PTPRQ: variants seen among roughly 807,000 people sequenced by gnomAD.
PTPRQ encodes the protein protein tyrosine phosphatase receptor type Q.
In PTPRQ, 199 loss-of-function variants were observed where a neutral mutation model predicts 246.0. The observed-to-expected ratio is 0.81, with a 90% CI of 0.72 to 0.91. PTPRQ has a LOEUF of 0.91. Ranked by LOEUF, PTPRQ falls within the 40% of genes least tolerant of loss-of-function variation. The pLI, the probability that PTPRQ is intolerant of heterozygous loss-of-function variation, is 0.00. For synonymous variants in PTPRQ, 869 were observed against 853.2 expected (o/e 1.02, Z -0.32); for missense variants, 2,624 against 2,528.4 (o/e 1.04, Z -0.81).
chr12:80,554,445 G>A (rs563967968), intron 25 of PTPRQ, among the ~76,000 whole-genome samples: 4 of 152,166 alleles, frequency 2.6e-5, no homozygotes, highest in Non-Finnish European at 5.9e-5. Context: ...TTGGTCTTTT[G>A]TGGAAGATAA....
intron 17 of PTPRQ, among the ~76,000 whole-genome samples, chr12:80,521,544 T>G (rs11114492): frequency 0.9 from 136,346 of 152,170 alleles, 61,669 homozygotes; most frequent in Non-Finnish European, 0.93. Context: ...TTTGTGTAAG[T>G]TGTAAGGAAG....
intron 3 of PTPRQ, among the ~76,000 whole-genome samples, chr12:80,447,886 C>CT (rs927278052): frequency 6.6e-6 from 1 of 151,958 alleles, no homozygotes; most frequent in Non-Finnish European, 1.5e-5. Context: ...TATTTGGGCT[C>CT]TTTTTTGGTT....
At chr12:80,483,634 T>C (rs1205663482) in intron 8 of PTPRQ, among the ~76,000 whole-genome samples, 2 of 152,108 alleles carry the variant, frequency 1.3e-5, no homozygotes, top group African/African-American at 4.8e-5. Flanking sequence ...GTGCAGAACG[T>C]ATAGGTTTGT....
intron 26 of PTPRQ, among the ~76,000 whole-genome samples, chr12:80,592,835 C>T (rs1897845424): frequency 6.6e-6 from 1 of 151,970 alleles, no homozygotes; most frequent in Non-Finnish European, 1.5e-5. Flanking sequence ...CATGGTGAAA[C>T]CCTGTCTCTT....
At chr12:80,515,911 A>G (rs908397137) in intron 17 of PTPRQ, among the ~76,000 whole-genome samples, 4 of 152,110 alleles carry the variant, frequency 2.6e-5, no homozygotes, top group African/African-American at 9.7e-5. Context: ...TGATTTGTAG[A>G]TGGTATGTTC....
At chr12:80,475,931 A>G (rs1893796526) in intron 8 of PTPRQ, among the ~76,000 whole-genome samples, 1 of 152,084 alleles carries the variant, frequency 6.6e-6, no homozygotes, top group African/African-American at 2.4e-5. Flanking sequence ...TGTCCTGCAT[A>G]ATATTTGATA....
intron 25 of PTPRQ, among the ~76,000 whole-genome samples, chr12:80,562,024 A>T (rs984531601): frequency 6.6e-6 from 1 of 151,920 alleles, no homozygotes; most frequent in South Asian, 2.1e-4. Context: ...GCATTGATTG[A>T]TAGTATTCTT....
chr12:80,599,935 A>T (rs1199346698), intron 26 of PTPRQ, among the ~76,000 whole-genome samples: 2 of 151,684 alleles, frequency 1.3e-5, no homozygotes. Flanking sequence ...TCCTTCAAGA[A>T]TACAAGTTGA....
chr12:80,515,982 A>G lies in PTPRQ; in HGVS notation c.2678+5539A>G, dbSNP rs1895286102. 1.3e-5 allele frequency among the ~76,000 whole-genome samples: 2 copies of G among 152,184 alleles called. 1 individual carries two copies. Among genetic ancestry groups the G allele is most frequent in the South Asian group, 4.1e-4 (2 of 4,834 alleles). Reference sequence around the variant, plus strand: ...TTTTTCCTTCTGAAGTTTGCTTTGCAAAATAACTTTTATCATCCATCAAGA... The same window carrying G: ...TTTTTCCTTCTGAAGTTTGCTTTGCGAAATAACTTTTATCATCCATCAAGA... On this transcript the variant is annotated intron_variant, in intron 17 of 44. Coordinates refer to ENST00000644991, the MANE Select transcript of PTPRQ (RefSeq NM_001145026.2).
intron 33 of PTPRQ, among the ~76,000 whole-genome samples, chr12:80,623,621 G>A (rs1270320619): frequency 1.3e-5 from 2 of 152,090 alleles, no homozygotes; most frequent in African/African-American, 4.8e-5. Flanking sequence ...CCAATGGAAG[G>A]TAAAAGACCT....
At position 80,538,951 on chromosome 12, in the gene PTPRQ, G is replaced by T. The variant is rs376381773; in HGVS notation, c.2986-825G>T. ...ACAGAATTTGAATGCAGGTCTATAG[G>T]ACTTAAATGGCTTCATGTGGATTGG... On this transcript the variant is annotated intron_variant, in intron 19 of 44. Transcript: ENST00000644991. 3.3e-5 allele frequency among the ~76,000 whole-genome samples: 5 copies of T among 152,140 alleles called. No homozygotes were observed. The East Asian group carries it at 9.7e-4, about 29-fold the overall frequency.
intron 17 of PTPRQ, among the ~76,000 whole-genome samples, chr12:80,518,701 C>T (rs184544866): frequency 3.6e-4 from 55 of 152,240 alleles, no homozygotes; most frequent in Non-Finnish European, 7.1e-4. Flanking sequence ...ATATGGATAT[C>T]CAGTTTTCCC....
chr12:80,522,199 T>C (rs1470870221), intron 17 of PTPRQ, among the ~76,000 whole-genome samples: 3 of 152,236 alleles, frequency 2.0e-5, no homozygotes, highest in African/African-American at 4.8e-5. Flanking sequence ...TTGTGATTTT[T>C]GTACATTGAT....
chr12:80,495,472 C>T (rs1400217120), intron 12 of PTPRQ, 101 bp downstream of exon 12: 3 of 1,331,330 alleles, frequency 2.3e-6, no homozygotes, highest in Non-Finnish European at 2.9e-6. Flanking sequence ...CTACAGAACA[C>T]ATGCTATGTC....
chr12:80,580,132 T>G lies in PTPRQ; in HGVS notation c.4286-7997T>G, dbSNP rs184376797. Among the ~76,000 whole-genome samples the G allele has an allele frequency of 2.2e-3, 331 of 152,326 alleles. 3 individuals are homozygous for G. The South Asian group carries it at 0.029, about 13-fold the overall frequency. On this transcript the variant is annotated intron_variant, in intron 25 of 44. Coordinates refer to ENST00000644991, the MANE Select transcript of PTPRQ (RefSeq NM_001145026.2). ...TTATAGAATAATTACATTTTATACA[T>G]GTATTCATCTTCTAAGTAGAATTTA...
rs1900189733 is a variant in PTPRQ at position 80,649,583 on chromosome 12, T to G, written c.5943-5T>G. 6.5e-7 allele frequency: 1 copy of G among 1,549,740 alleles called. No individual in the cohort carries two copies. On this transcript the variant is annotated splice_region_variant and splice_polypyrimidine_tract_variant and intron_variant, in intron 36 of 44. Coordinates refer to ENST00000644991, the MANE Select transcript of PTPRQ (RefSeq NM_001145026.2). ...ACCCTATTTTATACCTTTCTTTACTTGGAGGCCAATAAGCAAGAAATCCTT... is the reference window on the plus strand; with the variant it reads ...ACCCTATTTTATACCTTTCTTTACTGGGAGGCCAATAAGCAAGAAATCCTT...
At chr12:80,649,916 A>G (rs998638776) in intron 37 of PTPRQ, among the ~76,000 whole-genome samples, 2 of 152,158 alleles carry the variant, frequency 1.3e-5, no homozygotes, top group African/African-American at 4.8e-5. Context: ...TATTGGCAGC[A>G]TGACCTTGTC....
intron 34 of PTPRQ, among the ~76,000 whole-genome samples, chr12:80,633,576 C>A (rs1238695061): frequency 6.6e-6 from 1 of 152,186 alleles, no homozygotes; most frequent in African/African-American, 2.4e-5. Context: ...ATTTTTATTT[C>A]AACTGAAGAA....
chr12:80,541,649 A>G lies in PTPRQ; in HGVS notation c.3249A>G (p.Leu1083=), dbSNP rs1018907162. 1 of 1,551,058 alleles carries G rather than the reference A, an allele frequency of 6.4e-7. No individual in the cohort carries two copies. Among genetic ancestry groups the G allele is most frequent in the Non-Finnish European group, 8.7e-7 (1 of 1,146,610 alleles). The change falls in exon 21 of 45, where the codon CTA becomes CTG. Residue 1083 remains leucine, a synonymous_variant. Coordinates refer to ENST00000644991, the MANE Select transcript of PTPRQ (RefSeq NM_001145026.2). ...TCCCACCGGCTCAACCAAACGGTCT[A>G]GTCTTCTACTATGTTTCACTGATCT... ...SWVPPAQPNG[L]VFYYVSLILQ...
Sources: gnomAD v4.1 joint callset for allele counts (sites outside exome capture counted in the v4.1 genomes callset) on GRCh38, gnomAD v4.1.1 for gene constraint, MANE v1.5 for transcripts, NCBI Gene and HGNC (gene_info 2026-07-23, HGNC 2026-07-21) for gene names.